WDFY2: variants seen among roughly 807,000 people sequenced by gnomAD.
WDFY2 encodes the protein WD repeat and FYVE domain-containing protein 2.
WDFY2 carries 36 observed loss-of-function variants against 56.4 expected under a neutral mutation model. The ratio of observed to expected loss-of-function variants is 0.64; its 90% CI spans 0.49 to 0.84. The LOEUF (loss-of-function observed/expected upper bound fraction) is 0.84. WDFY2 is among the 40% of genes least tolerant of loss of function. WDFY2 has a pLI of 0.00. For synonymous variants in WDFY2, 176 were observed against 183.7 expected, an observed-to-expected ratio of 0.96 and a Z score of 0.34; for missense variants, 444 against 512.2, an observed-to-expected ratio of 0.87 and a Z score of 1.29.
chr13:51,755,059 C>A (rs1471324521), intron 8 of WDFY2, among the ~76,000 whole-genome samples: 1 of 152,214 alleles, frequency 6.6e-6, no homozygotes, highest in Non-Finnish European at 1.5e-5. Context: ...CTCCTGTGAT[C>A]TCTCTGCCAA....
rs546505944 is a variant in WDFY2, at chr13:51,752,668, G to A, written c.831+1253G>A. Among the ~76,000 whole-genome samples, 5 of 152,314 alleles carry A rather than the reference G, an allele frequency of 3.3e-5. No homozygotes were observed. The East Asian group carries it at 9.6e-4, about 29-fold the overall frequency. On this transcript the variant is annotated intron_variant, in intron 8 of 11. Transcript: ENST00000298125. ...CCAGAGATGAAACCAAGTGGTTGAT[G>A]GGCAGTTCTTTGAGCAACCTTGTTT...
chr13:51,740,587 G>A (rs1409374112), intron 7 of WDFY2, among the ~76,000 whole-genome samples: 1 of 152,038 alleles, frequency 6.6e-6, no homozygotes, highest in Non-Finnish European at 1.5e-5. Flanking sequence ...AGTGGCGCGT[G>A]CCTGTAATCC....
At chr13:51,596,099 C>T (rs1215301535) in intron 1 of WDFY2, among the ~76,000 whole-genome samples, 5 of 151,996 alleles carry the variant, frequency 3.3e-5, no homozygotes, top group Non-Finnish European at 5.9e-5. Flanking sequence ...TTTTAGTGTT[C>T]GTTGGGGGAG....
At chr13:51,619,868 C>T (rs564440359) in intron 1 of WDFY2, among the ~76,000 whole-genome samples, 23 of 152,320 alleles carry the variant, frequency 1.5e-4, no homozygotes, top group Admixed American at 9.2e-4. Context: ...TTTGAACCTG[C>T]CTTGCATAGT....
intron 1 of WDFY2, among the ~76,000 whole-genome samples, chr13:51,607,651 T>C (rs1314512416): frequency 6.6e-6 from 1 of 151,888 alleles, no homozygotes; most frequent in Admixed American, 6.6e-5. Flanking sequence ...CAACAAAAAT[T>C]CAATGTAAAA....
chr13:51,596,714 G>A (rs1954157816), intron 1 of WDFY2, among the ~76,000 whole-genome samples: 1 of 152,138 alleles, frequency 6.6e-6, no homozygotes, highest in Admixed American at 6.5e-5. Flanking sequence ...CGATTTGATT[G>A]GTTACAGATT....
chr13:51,622,189 T>G (rs1379510623), intron 1 of WDFY2, among the ~76,000 whole-genome samples: 1 of 152,238 alleles, frequency 6.6e-6, no homozygotes, highest in Non-Finnish European at 1.5e-5. Context: ...GTGCCAACCG[T>G]GCTAAGCTTT....
intron 10 of WDFY2, among the ~76,000 whole-genome samples, chr13:51,757,575 T>C (rs1593484551): frequency 6.6e-6 from 1 of 151,824 alleles, no homozygotes; most frequent in Admixed American, 6.6e-5. Context: ...TTCTGCCTCT[T>C]CTCTGTGGAA....
At chr13:51,642,951 C>T (rs1176147164) in intron 1 of WDFY2, among the ~76,000 whole-genome samples, 1 of 152,172 alleles carries the variant, frequency 6.6e-6, no homozygotes, top group Non-Finnish European at 1.5e-5. Context: ...GCTGGGATTA[C>T]AGGCGTGAGG....
chr13:51,665,486 A>G (rs185457663), intron 2 of WDFY2, among the ~76,000 whole-genome samples: 1 of 152,342 alleles, frequency 6.6e-6, no homozygotes, highest in East Asian at 1.9e-4. Context: ...AAAAAGCACA[A>G]GCATTTCTAT....
chr13:51,662,213 C>T (rs1186748938), intron 2 of WDFY2, among the ~76,000 whole-genome samples: 4 of 152,116 alleles, frequency 2.6e-5, no homozygotes, highest in African/African-American at 9.7e-5. Context: ...TCAGGTAACC[C>T]ACCTGCCTCG....
chr13:51,758,531 A>G (rs1423127987), intron 11 of WDFY2, among the ~76,000 whole-genome samples: 1 of 150,608 alleles, frequency 6.6e-6, no homozygotes, highest in East Asian at 2.0e-4. Flanking sequence ...AGCCTGAGCA[A>G]CAAAGCAAGA....
chr13:51,748,922 T>C (rs1953164093), intron 7 of WDFY2, among the ~76,000 whole-genome samples: 1 of 152,186 alleles, frequency 6.6e-6, no homozygotes, highest in African/African-American at 2.4e-5. Flanking sequence ...CCAGAACAAA[T>C]AGACACTTTA....
intron 4 of WDFY2, among the ~76,000 whole-genome samples, chr13:51,718,875 C>CT (rs1402821217): frequency 6.6e-6 from 1 of 152,202 alleles, no homozygotes; most frequent in East Asian, 1.9e-4. Flanking sequence ...CCTAGCGTGT[C>CT]TGAGGGAGGT....
intron 7 of WDFY2, among the ~76,000 whole-genome samples, chr13:51,743,430 A>G (rs886289111): frequency 6.6e-6 from 1 of 152,208 alleles, no homozygotes; most frequent in Non-Finnish European, 1.5e-5. Flanking sequence ...AAACCCTCAC[A>G]AGGTTGTCAA....
intron 3 of WDFY2, among the ~76,000 whole-genome samples, chr13:51,700,553 C>T (rs1363559894): frequency 6.6e-6 from 1 of 152,112 alleles, no homozygotes; most frequent in Non-Finnish European, 1.5e-5. Context: ...TCCAACAATT[C>T]TTCTCGGACT....
chr13:51,660,004 G>GA (rs1955580615), intron 1 of WDFY2, among the ~76,000 whole-genome samples: 1 of 152,090 alleles, frequency 6.6e-6, no homozygotes, highest in South Asian at 2.1e-4. Context: ...AAAACAACAA[G>GA]AACGAAAATA....
intron 6 of WDFY2, 136 bp from the exon 7 acceptor site, chr13:51,738,909 GACTT>G (rs1474356078): frequency 9.9e-6 from 11 of 1,109,874 alleles, no homozygotes; most frequent in Non-Finnish European, 1.3e-5. Context: ...TCTCTTTGGG[GACTT>G]ACTTGATTGT....
intron 7 of WDFY2, among the ~76,000 whole-genome samples, chr13:51,742,438 C>CAA (rs5803568): frequency 1.4e-5 from 2 of 138,274 alleles, no homozygotes; most frequent in South Asian, 2.3e-4. Context: ...GGAGGAAGGG[C>CAA]AAAAAAAAAA....
Sources: allele counts gnomAD v4.1 joint callset (sites outside exome capture counted in the v4.1 genomes callset), GRCh38; gene constraint gnomAD v4.1.1; transcripts MANE v1.5; gene names NCBI Gene and HGNC (gene_info 2026-07-23, HGNC 2026-07-21).